Variants in ZMYM2 observed in about 807,000 individuals in gnomAD.
ZMYM2 encodes the protein zinc finger MYM-type containing 2.
ZMYM2 carries 56 observed loss-of-function variants against 162.8 expected under a neutral mutation model. The observed-to-expected ratio is 0.34, with a 90% confidence interval of 0.28 to 0.43. The LOEUF (loss-of-function observed/expected upper bound fraction) is 0.43, where lower values mean the gene tolerates loss of function less well. ZMYM2 is among the 20% of genes least tolerant of loss of function. The probability of loss-of-function intolerance (pLI) is 1.00; values close to 1 mark genes in which losing one functional copy is unlikely to be tolerated. For missense variants in ZMYM2, 1,275 were observed against 1,621.8 expected (o/e 0.79, Z 3.67); for synonymous variants, 510 against 541.6 (o/e 0.94, Z 0.81).
chr13:19,939,382 T>A, the ZMYM2 span, among the ~76,000 whole-genome samples: 1 of 152,080 alleles, frequency 6.6e-6, no homozygotes, highest in Non-Finnish European at 1.5e-5. Flanking sequence ...TAAAAAAAAG[T>A]ATAATATTAT....
At chr13:20,050,316 CAGGAA>C (rs909784640) in intron 12 of ZMYM2, among the ~76,000 whole-genome samples, 3 of 151,798 alleles carry the variant, frequency 2.0e-5, no homozygotes. Context: ...CATTCCTGAC[CAGGAA>C]TTTTGACATG....
At chr13:19,884,387 A>C in the ZMYM2 span, among the ~76,000 whole-genome samples, 9 of 152,238 alleles carry the variant, frequency 5.9e-5, no homozygotes, top group African/African-American at 2.2e-4. Context: ...GGCCCGGGCT[A>C]ACACAGTATA....
the ZMYM2 span, among the ~76,000 whole-genome samples, chr13:19,898,327 G>T: frequency 6.6e-6 from 1 of 151,600 alleles, no homozygotes; most frequent in South Asian, 2.1e-4. Flanking sequence ...CTGCCTCCTG[G>T]GTTCACACCA....
chr13:19,978,350 ATAT>A (rs141784589), intron 2 of ZMYM2, among the ~76,000 whole-genome samples: 12,243 of 152,140 alleles, frequency 0.08, 688 homozygotes, highest in African/African-American at 0.15. Context: ...TTCCTTTGTA[ATAT>A]TATTGTCATA....
intron 2 of ZMYM2, among the ~76,000 whole-genome samples, chr13:19,988,121 GA>G (rs1474746521): frequency 6.6e-6 from 1 of 152,000 alleles, no homozygotes; most frequent in South Asian, 2.1e-4. Context: ...TTTTATTATA[GA>G]AAAAAATTCT....
chr13:19,883,477 G>A, the ZMYM2 span, among the ~76,000 whole-genome samples: 1 of 152,290 alleles, frequency 6.6e-6, no homozygotes, highest in African/African-American at 2.4e-5. Context: ...CAGAGAATTA[G>A]ACAACGTGTA....
At chr13:20,043,172 T>C (rs2140445828) in intron 12 of ZMYM2, among the ~76,000 whole-genome samples, 1 of 152,248 alleles carries the variant, frequency 6.6e-6, no homozygotes, top group Non-Finnish European at 1.5e-5. Flanking sequence ...AACTCCGGGG[T>C]ACTTATATCA....
Position 19,991,052 on chromosome 13 carries a change from G to C in ZMYM2, c.-10-2011G>C, listed in dbSNP as rs1406165550. ...TTTGTCCTAGAAATTTTCTCTCTGT[G>C]TGTGTGTGTGTGTACGTATGTATTT... On this transcript the variant is annotated intron_variant, in intron 2 of 24. Coordinates refer to ENST00000610343, the MANE Select transcript of ZMYM2 (RefSeq NM_197968.4). Among the ~76,000 whole-genome samples the C allele has an allele frequency of 4.9e-5, 7 of 141,688 alleles. No homozygotes were observed. In the South Asian group the frequency reaches 1.1e-3, roughly 23 times the overall value. The allele number at this position is 141,688 out of a possible 152,430, so 93.0% of individuals were successfully genotyped here. A position where few individuals can be genotyped will look rare whatever the true frequency, so the allele number is the denominator to read the frequency against.
intron 21 of ZMYM2, among the ~76,000 whole-genome samples, chr13:20,081,631 TCTTA>T (rs1056336268): frequency 6.6e-6 from 1 of 152,262 alleles, no homozygotes; most frequent in Admixed American, 6.5e-5. Flanking sequence ...TAATTATAAC[TCTTA>T]CTTTATAAGA....
intron 19 of ZMYM2, chr13:20,066,643 T>A: frequency 2.5e-6 from 1 of 402,384 alleles, no homozygotes; most frequent in Non-Finnish European, 4.3e-6. Flanking sequence ...GATCTTGCTG[T>A]CTCAGGTGGC....
intron 12 of ZMYM2, among the ~76,000 whole-genome samples, chr13:20,045,738 G>A (rs1354371995): frequency 6.6e-6 from 1 of 151,880 alleles, no homozygotes; most frequent in East Asian, 1.9e-4. Flanking sequence ...TTATCTTATT[G>A]TTTGAGACAG....
At chr13:20,009,927 G>A (rs921523898) in intron 6 of ZMYM2, among the ~76,000 whole-genome samples, 14 of 152,204 alleles carry the variant, frequency 9.2e-5, no homozygotes, top group Admixed American at 7.2e-4. Context: ...TTTTGGATGA[G>A]TGTGGATTTG....
At chr13:20,078,758 T>A (rs1957695928) in intron 21 of ZMYM2, among the ~76,000 whole-genome samples, 1 of 152,184 alleles carries the variant, frequency 6.6e-6, no homozygotes, top group South Asian at 2.1e-4. Flanking sequence ...TTTAAAATGT[T>A]AAATATTTTT....
chr13:19,978,767 A>T (rs1347844094), intron 2 of ZMYM2, among the ~76,000 whole-genome samples: 1 of 152,184 alleles, frequency 6.6e-6, no homozygotes, highest in Non-Finnish European at 1.5e-5. Flanking sequence ...AAAATTAATT[A>T]TAAACCTAAA....
intron 9 of ZMYM2, among the ~76,000 whole-genome samples, chr13:20,030,429 C>G (rs1420717508): frequency 2.9e-5 from 4 of 139,454 alleles, no homozygotes; most frequent in Non-Finnish European, 4.6e-5. Context: ...GACGGAGTCT[C>G]GCTCTGTCGC....
intron 2 of ZMYM2, among the ~76,000 whole-genome samples, chr13:19,968,452 G>A (rs995482640): frequency 6.6e-6 from 1 of 152,108 alleles, no homozygotes; most frequent in South Asian, 2.1e-4. Context: ...AGTAGAAATG[G>A]GGTTTAACCA....
intron 6 of ZMYM2, among the ~76,000 whole-genome samples, chr13:20,007,258 C>A (rs575458943): frequency 6.6e-6 from 1 of 152,128 alleles, no homozygotes; most frequent in East Asian, 1.9e-4. Context: ...GCCTCAGCCT[C>A]CCAAGTAGCT....
intron 21 of ZMYM2, among the ~76,000 whole-genome samples, chr13:20,069,415 T>C (rs1187192621): frequency 9.5e-6 from 1 of 105,680 alleles, no homozygotes; most frequent in Non-Finnish European, 2.3e-5. Context: ...ATGCACCCTT[T>C]AGGGTTTTTT....
intron 6 of ZMYM2, among the ~76,000 whole-genome samples, chr13:20,017,974 A>G (rs1357395471): frequency 6.6e-6 from 1 of 152,044 alleles, no homozygotes; most frequent in African/African-American, 2.4e-5. Flanking sequence ...TTTATTTGAA[A>G]CTTGAACATT....
Sources: gnomAD v4.1 joint callset for allele counts (sites outside exome capture counted in the v4.1 genomes callset) on GRCh38, gnomAD v4.1.1 for gene constraint, MANE v1.5 for transcripts, NCBI Gene and HGNC (gene_info 2026-07-23, HGNC 2026-07-21) for gene names.